CYP39A1: variants seen among roughly 807,000 people sequenced by gnomAD.
CYP39A1 encodes 24-hydroxycholesterol 7-alpha-hydroxylase.
A neutral mutation model predicts 58.1 loss-of-function variants in CYP39A1; 49 were observed. The observed-to-expected ratio is 0.84, with a 90% CI of 0.67 to 1.07. CYP39A1 has a LOEUF of 1.07. CYP39A1 is among the 50% of genes least tolerant of loss of function. The pLI is 0.00. For missense variants in CYP39A1, 531 were observed against 539.4 expected (o/e 0.98, Z 0.16); for synonymous variants, 209 against 187.6 (o/e 1.11, Z -0.93).
intron 10 of CYP39A1, chr6:46,583,613 AG>A: frequency 1.0e-6 from 1 of 983,994 alleles, no homozygotes; most frequent in Non-Finnish European, 1.2e-6. Flanking sequence ...ATAAATCACC[AG>A]ACTTCTCCAG....
chr6:46,576,138 A>C (rs1282117942), intron 10 of CYP39A1, among the ~76,000 whole-genome samples: 1 of 152,122 alleles, frequency 6.6e-6, no homozygotes, highest in Admixed American at 6.6e-5. Flanking sequence ...GATGTGCTAC[A>C]CACTTTTAAA....
chr6:46,627,543 C>T lies in CYP39A1; in HGVS notation c.841-2035G>A, dbSNP rs781643474. 5.9e-5 allele frequency among the ~76,000 whole-genome samples: 9 copies of T among 151,906 alleles called. No homozygotes were observed. In the South Asian group the frequency reaches 6.2e-4, roughly 11 times the overall value. On this transcript the variant is annotated intron_variant, in intron 6 of 11. Coordinates refer to ENST00000275016, the MANE Select transcript of CYP39A1 (RefSeq NM_016593.5). ...ACACCATTCTTCTGCCTCAGCCTTC[C>T]GAGTAGCTGGGACTACAAACACCTG... is the stretch of plus-strand genomic sequence containing the variant.
At chr6:46,583,697 C>A in intron 10 of CYP39A1, 1 of 585,804 alleles carries the variant, frequency 1.7e-6, no homozygotes, top group Non-Finnish European at 2.2e-6. Context: ...CTGCTCCAAA[C>A]CTACTTTCAG....
intron 1 of CYP39A1, 119 bp downstream of exon 1, chr6:46,652,287 A>T (rs1255988811): frequency 1.5e-5 from 14 of 957,032 alleles, no homozygotes; most frequent in Admixed American, 2.7e-5. Context: ...TAGATCCTTT[A>T]GTTGAGGCAA....
intron 10 of CYP39A1, among the ~76,000 whole-genome samples, chr6:46,567,802 T>C (rs1018090357): frequency 3.3e-5 from 5 of 152,000 alleles, no homozygotes; most frequent in African/African-American, 1.2e-4. Context: ...AACAAAGAAA[T>C]GGTTAAGGTT....
In CYP39A1 at chr6:46,652,563, G is replaced by A; in HGVS notation, c.20C>T (p.Thr7Ile). MELISP[T>I]VIIILGCLAL... is the part of the protein sequence containing the mutation. ...AAGGCAACCCAGGATTATAATCACT[G>A]TTGGGGAAATTAGTTCCATGTTTTT... Residue 7 changes from threonine to isoleucine, a missense_variant, in exon 1 of 12, where the codon ACA (threonine) becomes ATA (isoleucine). Transcript: ENST00000275016. 1 of 1,605,848 alleles carries A rather than the reference G, an allele frequency of 6.2e-7. No individual in the cohort carries two copies.
chr6:46,609,543 A>T (rs999373371), intron 7 of CYP39A1, among the ~76,000 whole-genome samples: 1 of 152,166 alleles, frequency 6.6e-6, no homozygotes, highest in African/African-American at 2.4e-5. Flanking sequence ...GTCCCTGGAG[A>T]TTAGTTATGT....
intron 8 of CYP39A1, among the ~76,000 whole-genome samples, chr6:46,594,065 A>G (rs1772999557): frequency 6.6e-6 from 1 of 152,144 alleles, no homozygotes; most frequent in Non-Finnish European, 1.5e-5. Flanking sequence ...TGTTGGTTGA[A>G]TCAGTAGACA....
chr6:46,617,327 T>C lies in CYP39A1; in HGVS notation c.931+8091A>G, dbSNP rs75335586. Among the ~76,000 whole-genome samples the C allele has an allele frequency of 2.1e-3, 314 of 152,318 alleles. 2 individuals carry two copies. Among genetic ancestry groups the C allele is most frequent in the African/African-American group, 7.4e-3 (308 of 41,588 alleles). On this transcript the variant is annotated intron_variant, in intron 7 of 11. Coordinates refer to ENST00000275016, the MANE Select transcript of CYP39A1 (RefSeq NM_016593.5). The stretch of plus-strand genomic sequence containing the variant: ...TCATATTCAGTGTTATAAATGTTAA[T>C]ACATAGCAGAAACAAAATGCAGAGT...
chr6:46,641,532 AC>A (rs930786542), intron 2 of CYP39A1, among the ~76,000 whole-genome samples: 4 of 152,170 alleles, frequency 2.6e-5, no homozygotes, highest in Non-Finnish European at 5.9e-5. Flanking sequence ...ACAAAAAAGA[AC>A]CAGACACAAA....
In CYP39A1 at chr6:46,572,509, G is replaced by T. The variant is rs577688448; in HGVS notation, c.1250+14568C>A. ...ATCATCCCATTCTTTTCTGGCCTGTGAAGTTTCTCCTGAAAAGTCCAAAAT... is the reference window on the plus strand; with the variant it reads ...ATCATCCCATTCTTTTCTGGCCTGTTAAGTTTCTCCTGAAAAGTCCAAAAT... On this transcript the variant is annotated intron_variant, in intron 10 of 11. Coordinates refer to ENST00000275016, the MANE Select transcript of CYP39A1 (RefSeq NM_016593.5). Among the ~76,000 whole-genome samples, 3 of 152,256 alleles carry T rather than the reference G, an allele frequency of 2.0e-5. No individual in the cohort carries two copies. The East Asian group carries it at 5.8e-4, about 29-fold the overall frequency.
chr6:46,559,552 T>C (rs565627477), intron 10 of CYP39A1, among the ~76,000 whole-genome samples: 3 of 152,182 alleles, frequency 2.0e-5, no homozygotes, highest in Non-Finnish European at 4.4e-5. Flanking sequence ...TGTGTGATAG[T>C]GCAGTGGAAA....
Position 46,625,440 on chromosome 6 carries a change from T to C in CYP39A1, c.909A>G (p.Ile303Met). 3 of 1,610,746 alleles carry C rather than the reference T, an allele frequency of 1.9e-6. No homozygotes were observed. The highest frequency in any genetic ancestry group is 2.5e-6 in the Non-Finnish European group (3 of 1,178,136). The change falls in exon 7 of 12, where the codon ATA becomes ATG. Residue 303 changes from isoleucine (I) to methionine (M), a missense_variant. By Grantham distance (10) the Ile-to-Met change is conservative (BLOSUM62 1). Coordinates refer to ENST00000275016, the MANE Select transcript of CYP39A1 (RefSeq NM_016593.5). ...TACCTGCTTTGCCAAACACAGAAGA[T>C]ATGCCTTCCATAATGGCCTTGTGGA... ...PDIHKAIMEG[I>M]SSVFGKAGKD...
chr6:46,559,676 G>A (rs1770864882), intron 10 of CYP39A1, among the ~76,000 whole-genome samples: 2 of 152,136 alleles, frequency 1.3e-5, no homozygotes, highest in South Asian at 4.1e-4. Context: ...GGTAGCACGT[G>A]GAGGAGCTGG....
In CYP39A1 at chr6:46,652,444, T is replaced by C. The variant is rs1253171409; in HGVS notation, c.139A>G (p.Lys47Glu). The change falls in exon 1 of 12, where the codon AAA becomes GAA. Residue 47 changes from lysine to glutamate, a missense_variant. Transcript: ENST00000275016. ...PWIGVGFEFG[K>E]APLEFIEKAR... ...TTCTCTATAAATTCTAGAGGGGCTT[T>C]CCCAAACTCAAATCCAACTCCAATC... 13 of 1,613,646 alleles carry C rather than the reference T, an allele frequency of 8.1e-6. No homozygotes were observed. Among genetic ancestry groups the C allele is most frequent in the Middle Eastern group, 1.6e-4 (1 of 6,084 alleles).
chr6:46,628,220 T>A (rs1485379749), intron 6 of CYP39A1, among the ~76,000 whole-genome samples: 1 of 152,188 alleles, frequency 6.6e-6, no homozygotes, highest in Admixed American at 6.5e-5. Context: ...CACAAATATG[T>A]TGGGAGATAA....
At chr6:46,650,949 G>A (rs1376926592) in intron 1 of CYP39A1, among the ~76,000 whole-genome samples, 2 of 152,154 alleles carry the variant, frequency 1.3e-5, no homozygotes, top group Non-Finnish European at 2.9e-5. Context: ...GGGAGACAAA[G>A]GAGTATTTCT....
At chr6:46,568,517 T>C (rs1052411560) in intron 10 of CYP39A1, among the ~76,000 whole-genome samples, 2 of 152,114 alleles carry the variant, frequency 1.3e-5, no homozygotes, top group East Asian at 3.8e-4. Flanking sequence ...TCTTCTAAGA[T>C]TTTTATAGTT....
At chr6:46,577,530 G>A (rs1771902899) in intron 10 of CYP39A1, among the ~76,000 whole-genome samples, 1 of 152,030 alleles carries the variant, frequency 6.6e-6, no homozygotes, top group East Asian at 1.9e-4. Context: ...TCTTCAAGAG[G>A]CCCATTTCAC....
Sources: gnomAD v4.1 joint callset for allele counts (sites outside exome capture counted in the v4.1 genomes callset) on GRCh38, gnomAD v4.1.1 for gene constraint, MANE v1.5 for transcripts, NCBI Gene and HGNC (gene_info 2026-07-23, HGNC 2026-07-21) for gene names.